The following BCKDHB variants were observed in gnomAD, a reference collection of about 807,000 sequenced individuals.
BCKDHB encodes 2-oxoisovalerate dehydrogenase subunit beta, mitochondrial.
A neutral mutation model predicts 48.5 loss-of-function variants in BCKDHB; 41 were observed. That is an observed-to-expected ratio of 0.85 (90% CI 0.66 to 1.10). The LOEUF is 1.10. BCKDHB is among the 50% of genes least tolerant of loss of function. The pLI is 0.00. For missense variants in BCKDHB, 496 were observed against 494.2 expected (o/e 1.00, Z -0.03); for synonymous variants, 201 against 174.8 (o/e 1.15, Z -1.18).
At chr6:80,342,580 G>GAAAAAAAAAAAAAAAAAAAAAAAAAAAAA (rs1769969153) in intron 9 of BCKDHB, among the ~76,000 whole-genome samples, 1 of 102,582 alleles carries the variant, frequency 9.7e-6, no homozygotes. Flanking sequence ...AAAAAAAAAA[G>GAAAAAAAAAAAAAAAAAAAAAAAAAAAAA]AAAGGGAAGA....
the BCKDHB span, among the ~76,000 whole-genome samples, chr6:80,409,328 T>C: frequency 1.2e-4 from 18 of 151,884 alleles, no homozygotes; most frequent in African/African-American, 4.1e-4. Flanking sequence ...ATAAGTTCGA[T>C]GAGGTGCTGA....
At chr6:80,226,779 C>T (rs1562153709) in intron 8 of BCKDHB, among the ~76,000 whole-genome samples, 1 of 152,134 alleles carries the variant, frequency 6.6e-6, no homozygotes, top group African/African-American at 2.4e-5. Context: ...TAACACGATA[C>T]ACTCTTTCTT....
intron 6 of BCKDHB, among the ~76,000 whole-genome samples, chr6:80,193,585 T>G (rs1238269396): frequency 6.6e-6 from 1 of 152,042 alleles, no homozygotes; most frequent in Non-Finnish European, 1.5e-5. Context: ...CTGGGTGTGG[T>G]GGCGGGCACC....
At chr6:80,334,743 G>A (rs899286806) in intron 9 of BCKDHB, among the ~76,000 whole-genome samples, 2 of 150,484 alleles carry the variant, frequency 1.3e-5, no homozygotes, top group Admixed American at 6.6e-5. Context: ...TCTTTTTTAT[G>A]TTTAGCAAGT....
intron 8 of BCKDHB, among the ~76,000 whole-genome samples, chr6:80,229,240 A>G (rs1775807880): frequency 2.0e-5 from 3 of 152,212 alleles, no homozygotes; most frequent in East Asian, 1.9e-4. Context: ...TCAGATCCCA[A>G]TAAATTTTAT....
chr6:80,390,705 G>T, the BCKDHB span, among the ~76,000 whole-genome samples: 3 of 152,098 alleles, frequency 2.0e-5, no homozygotes, highest in South Asian at 4.1e-4. Context: ...TTCTTTATTT[G>T]AAGATTATGT....
chr6:80,165,503 A>G (rs1309095456), intron 3 of BCKDHB, among the ~76,000 whole-genome samples: 1 of 152,220 alleles, frequency 6.6e-6, no homozygotes, highest in Non-Finnish European at 1.5e-5. Flanking sequence ...CTATATATGA[A>G]AAAGAACTGG....
chr6:80,266,232 A>G (rs542890774), intron 8 of BCKDHB, among the ~76,000 whole-genome samples: 2 of 152,204 alleles, frequency 1.3e-5, no homozygotes, highest in East Asian at 3.9e-4. Context: ...TGAGATGGAG[A>G]TTAGGAATAA....
At chr6:80,439,729 C>G in the BCKDHB span, among the ~76,000 whole-genome samples, 3 of 152,152 alleles carry the variant, frequency 2.0e-5, no homozygotes, top group Non-Finnish European at 4.4e-5. Context: ...AAATAAAATG[C>G]ACCAAATGTA....
chr6:80,114,245 A>AT (rs772020442), intron 1 of BCKDHB, among the ~76,000 whole-genome samples: 2,720 of 141,944 alleles, frequency 0.019, 75 homozygotes, highest in African/African-American at 0.064. Context: ...GTAGTGCTAG[A>AT]TTTTTTTTTT....
chr6:80,387,674 G>A, the BCKDHB span, among the ~76,000 whole-genome samples: 1 of 152,210 alleles, frequency 6.6e-6, no homozygotes, highest in African/African-American at 2.4e-5. Context: ...CTCCACTCCT[G>A]TCCATTAGGC....
At chr6:80,311,099 TCCCG>T (rs1768132046) in intron 9 of BCKDHB, among the ~76,000 whole-genome samples, 1 of 152,190 alleles carries the variant, frequency 6.6e-6, no homozygotes, top group South Asian at 2.1e-4. Flanking sequence ...GGCAGATCTT[TCCCG>T]TGCTGTTCTC....
At chr6:80,409,790 A>C in the BCKDHB span, among the ~76,000 whole-genome samples, 13 of 151,132 alleles carry the variant, frequency 8.6e-5, no homozygotes, top group African/African-American at 3.2e-4. Context: ...ATTTTCCTCT[A>C]TCCCTTTATT....
intron 6 of BCKDHB, among the ~76,000 whole-genome samples, chr6:80,195,099 A>G (rs1194297066): frequency 6.6e-6 from 1 of 152,118 alleles, no homozygotes; most frequent in African/African-American, 2.4e-5. Flanking sequence ...TATTTTATTT[A>G]TTGAAAGTTA....
At chr6:80,176,251 G>A (rs938790380) in intron 6 of BCKDHB, among the ~76,000 whole-genome samples, 1 of 152,170 alleles carries the variant, frequency 6.6e-6, no homozygotes, top group African/African-American at 2.4e-5. Context: ...AGGAATAGTA[G>A]ATTAGATAAC....
intron 8 of BCKDHB, among the ~76,000 whole-genome samples, chr6:80,223,232 T>G (rs1775541575): frequency 6.6e-6 from 1 of 152,180 alleles, no homozygotes; most frequent in Admixed American, 6.5e-5. Context: ...ATATGCTGTG[T>G]TTGAAATACA....
At chr6:80,409,866 A>G in the BCKDHB span, among the ~76,000 whole-genome samples, 2 of 151,470 alleles carry the variant, frequency 1.3e-5, no homozygotes, top group Admixed American at 1.3e-4. Context: ...ATGGTTCTTG[A>G]TTCTTTATCC....
At chr6:80,351,317 T>G in the BCKDHB span, among the ~76,000 whole-genome samples, 1 of 152,178 alleles carries the variant, frequency 6.6e-6, no homozygotes, top group African/African-American at 2.4e-5. Flanking sequence ...TGTCTATGTG[T>G]GTGTGTATAT....
chr6:80,158,316 TAG>T (rs1041663880), intron 3 of BCKDHB, among the ~76,000 whole-genome samples: 2 of 152,186 alleles, frequency 1.3e-5, no homozygotes, highest in African/African-American at 4.8e-5. Flanking sequence ...ATTTGTCTCT[TAG>T]CCATTACGAT....
Sources: allele counts gnomAD v4.1 joint callset (sites outside exome capture counted in the v4.1 genomes callset), GRCh38; gene constraint gnomAD v4.1.1; transcripts MANE v1.5; gene names NCBI Gene and HGNC (gene_info 2026-07-23, HGNC 2026-07-21).